ABCC1: variants seen among roughly 807,000 people sequenced by gnomAD.
ABCC1 encodes the protein multidrug resistance-associated protein 1.
In ABCC1, 83 loss-of-function variants were observed where a neutral mutation model predicts 172.9. That is an observed-to-expected ratio of 0.48 (90% CI 0.40 to 0.58). The LOEUF is 0.58. Among genes scored for constraint, ABCC1 ranks in the 20% least tolerant of loss-of-function variants. ABCC1 has a pLI of 0.00. For missense variants in ABCC1, 1,817 were observed against 2,002.7 expected (o/e 0.91, Z 1.77); for synonymous variants, 937 against 825.2 (o/e 1.14, Z -2.32).
chr16:16,103,321 T>C (rs967329882), intron 20 of ABCC1, among the ~76,000 whole-genome samples: 6 of 152,214 alleles, frequency 3.9e-5, no homozygotes, highest in African/African-American at 1.2e-4. Context: ...GGCTCATGCC[T>C]ATAATCCCAG....
At chr16:16,002,886 A>T (rs2047368952) in intron 1 of ABCC1, among the ~76,000 whole-genome samples, 1 of 152,196 alleles carries the variant, frequency 6.6e-6, no homozygotes, top group African/African-American at 2.4e-5. Context: ...TTTGGAATAT[A>T]TCTGGAAGAA....
intron 1 of ABCC1, among the ~76,000 whole-genome samples, chr16:15,967,321 T>C (rs1467315624): frequency 1.3e-5 from 2 of 152,096 alleles, no homozygotes; most frequent in Non-Finnish European, 2.9e-5. Flanking sequence ...CCTGTTGTTA[T>C]AGAGCATCTG....
chr16:15,964,249 C>T (rs1441743887), intron 1 of ABCC1, among the ~76,000 whole-genome samples: 2 of 152,094 alleles, frequency 1.3e-5, no homozygotes, highest in South Asian at 2.1e-4. Flanking sequence ...GGCCAATTTC[C>T]ACCCTTTTAT....
chr16:16,108,769 T>A (rs1044909013), intron 21 of ABCC1, among the ~76,000 whole-genome samples: 3 of 151,900 alleles, frequency 2.0e-5, no homozygotes, highest in Non-Finnish European at 2.9e-5. Flanking sequence ...CTAATTTTTT[T>A]AATTTTTTTG....
intron 5 of ABCC1, among the ~76,000 whole-genome samples, chr16:16,032,685 A>G (rs575758106): frequency 6.6e-6 from 1 of 152,338 alleles, no homozygotes; most frequent in Non-Finnish European, 1.5e-5. Flanking sequence ...AGTGGGGACA[A>G]TAGTAATACC....
chr16:16,073,964 C>T (rs973076932), intron 14 of ABCC1, among the ~76,000 whole-genome samples: 1 of 152,118 alleles, frequency 6.6e-6, no homozygotes, highest in Non-Finnish European at 1.5e-5. Flanking sequence ...GCACCTAAAA[C>T]GTTTGACACG....
At chr16:15,997,730 C>A (rs1043225910) in intron 1 of ABCC1, among the ~76,000 whole-genome samples, 1 of 151,916 alleles carries the variant, frequency 6.6e-6, no homozygotes, top group Non-Finnish European at 1.5e-5. Context: ...CACTTCTTAC[C>A]TCCTGGAGTT....
chr16:15,961,802 C>T (rs191133283), intron 1 of ABCC1, among the ~76,000 whole-genome samples: 4 of 148,030 alleles, frequency 2.7e-5, no homozygotes, highest in Admixed American at 2.7e-4. Context: ...AAACAAGCCA[C>T]GCATTTGCCT....
chr16:16,022,294 G>C (rs1361333699), intron 5 of ABCC1, among the ~76,000 whole-genome samples: 2 of 152,178 alleles, frequency 1.3e-5, no homozygotes, highest in African/African-American at 4.8e-5. Context: ...TGGCTGCTTG[G>C]TGGGGCTCCT....
At chr16:15,991,822 C>T (rs552990104) in intron 1 of ABCC1, among the ~76,000 whole-genome samples, 23 of 152,210 alleles carry the variant, frequency 1.5e-4, no homozygotes, top group African/African-American at 4.8e-4. Context: ...CTTTCGTTGC[C>T]TTGACAATGG....
intron 5 of ABCC1, among the ~76,000 whole-genome samples, chr16:16,025,689 C>T (rs2048345228): frequency 6.6e-6 from 1 of 152,200 alleles, no homozygotes; most frequent in Non-Finnish European, 1.5e-5. Flanking sequence ...GTGCCTGGGG[C>T]TGCCGTACCT....
At chr16:16,089,850 C>T (rs1219728195) in intron 18 of ABCC1, among the ~76,000 whole-genome samples, 1 of 148,548 alleles carries the variant, frequency 6.7e-6, no homozygotes, top group African/African-American at 2.5e-5. Context: ...CACTGCACTC[C>T]AGCCTGGACA....
intron 15 of ABCC1, among the ~76,000 whole-genome samples, chr16:16,078,808 C>T (rs1028745959): frequency 2.6e-5 from 4 of 152,210 alleles, no homozygotes; most frequent in Non-Finnish European, 2.9e-5. Flanking sequence ...TCCTCAGTAG[C>T]TGGGACCACA....
intron 10 of ABCC1, 56 bp from the exon 11 acceptor site, chr16:16,052,668 C>T (rs962379440): frequency 8.7e-5 from 135 of 1,559,198 alleles, no homozygotes; most frequent in East Asian, 6.3e-4. Context: ...GAAGCTGTTA[C>T]GGGCCCTGTT....
intron 30 of ABCC1, among the ~76,000 whole-genome samples, chr16:16,140,716 T>A (rs994012427): frequency 2.6e-5 from 4 of 152,202 alleles, no homozygotes; most frequent in Admixed American, 6.5e-5. Flanking sequence ...CGCAGCCACA[T>A]CTGTTCATTT....
intron 27 of ABCC1, 81 bp downstream of exon 27, chr16:16,132,016 G>A (rs529163600): frequency 3.5e-5 from 53 of 1,529,746 alleles, no homozygotes; most frequent in South Asian, 1.2e-4. Flanking sequence ...TAGCTGCAGC[G>A]TCTCCCCAGT....
At position 15,979,922 on chromosome 16, in the gene ABCC1, G is replaced by C. The variant is rs45520533; in HGVS notation, c.49-27894G>C. On this transcript the variant is annotated intron_variant, in intron 1 of 30. Transcript: ENST00000399410. ...TGAGGTCCATTCATAGATGCCCTAG[G>C]TACTTCCTGATTACTTGCCACACCC... Among the ~76,000 whole-genome samples the C allele has an allele frequency of 1.3e-3, 200 of 152,192 alleles. 2 individuals are homozygous for C. The highest frequency in any genetic ancestry group is 4.6e-3 in the African/African-American group (191 of 41,492).
chr16:16,085,914 CATG>C (rs1299727370), intron 17 of ABCC1, among the ~76,000 whole-genome samples: 9 of 152,322 alleles, frequency 5.9e-5, no homozygotes, highest in African/African-American at 2.2e-4. Context: ...GCTTATCTGT[CATG>C]GTGGGAGCTG....
At chr16:15,985,876 C>G (rs898831129) in intron 1 of ABCC1, among the ~76,000 whole-genome samples, 1 of 152,114 alleles carries the variant, frequency 6.6e-6, no homozygotes, top group African/African-American at 2.4e-5. Context: ...CAGGGAGAAT[C>G]CATGGCCTGG....
Sources: gnomAD v4.1 joint callset for allele counts (sites outside exome capture counted in the v4.1 genomes callset) on GRCh38, gnomAD v4.1.1 for gene constraint, MANE v1.5 for transcripts, NCBI Gene and HGNC (gene_info 2026-07-23, HGNC 2026-07-21) for gene names.